The following KPRP variants were observed in gnomAD, a reference collection of about 807,000 sequenced individuals.
KPRP encodes keratinocyte proline rich protein, also known as keratinocyte proline-rich protein.
For missense variants in KPRP, 820 were observed against 746.4 expected (o/e 1.10, Z -1.15); for synonymous variants, 282 against 276.9 (o/e 1.02, Z -0.18).
exon 1 of KPRP, chr1:152,760,816 C>A: frequency 6.2e-7 from 1 of 1,614,146 alleles, no homozygotes; most frequent in Non-Finnish European, 8.5e-7. Context: ...ACGTCTGCGC[C>A]CAGAACCATG....
At chr1:152,761,914 C>T (rs2297487) in exon 1 of KPRP, 30,490 of 168,320 alleles carry the variant, frequency 0.18, 3,535 homozygotes, top group East Asian at 0.34. Context: ...ATCTCTAAAT[C>T]TCAGTGTCTA....
chr1:152,761,154 C>T (rs1651117669), exon 1 of KPRP: 1 of 1,614,178 alleles, frequency 6.2e-7, no homozygotes, highest in Admixed American at 1.7e-5. Flanking sequence ...GTCCACACCG[C>T]CTAGACACCG....
At chr1:152,761,337 T>G in exon 1 of KPRP, 1 of 1,609,302 alleles carries the variant, frequency 6.2e-7, no homozygotes, top group Non-Finnish European at 8.5e-7. Flanking sequence ...AAAGGAAAGG[T>G]GACTGAGATA....
chr1:152,759,641 T>G (rs753214324), exon 1 of KPRP: 1 of 1,614,090 alleles, frequency 6.2e-7, no homozygotes, highest in South Asian at 1.1e-5. Context: ...CAGTGCTGCG[T>G]CAAGGGTCCC....
Position 152,761,147 on chromosome 1 carries a change from CACACCGCCTAG to C in KPRP, c.1566_1576del (p.Leu523SerfsTer23), listed in dbSNP as rs1431169581. The C allele has an allele frequency of 6.2e-7, 1 of 1,614,142 alleles. No homozygotes were observed. ...GACCTAGGCTGTCATGAGTCTAGTC[CACACCGCCTAG>C]ACACCGAAGCTCCCTACTGTGGCCC... On this transcript the variant is annotated frameshift_variant, in exon 1 of 1. Transcript: ENST00000606109. LOFTEE classifies it low-confidence loss of function (END_TRUNC).
At chr1:152,760,646 G>T (rs199539090) in exon 1 of KPRP, 11 of 1,610,872 alleles carry the variant, frequency 6.8e-6, no homozygotes, top group Non-Finnish European at 7.6e-6. Context: ...ATCAGACGCC[G>T]CTCCCAGAGC....
exon 1 of KPRP, chr1:152,761,217 T>C (rs1369146168): frequency 6.2e-7 from 1 of 1,614,156 alleles, no homozygotes; most frequent in South Asian, 1.1e-5. Flanking sequence ...AGAGTGGTGC[T>C]GGCTGTGGGC....
chr1:152,760,424 C>G (rs755363727), exon 1 of KPRP: 2 of 1,613,908 alleles, frequency 1.2e-6, no homozygotes, highest in African/African-American at 1.3e-5. Context: ...GAGCCCTGCT[C>G]CAGCAGCTAC....
At chr1:152,759,255 G>C (rs1651030106), upstream of KPRP, among the ~76,000 whole-genome samples, 1 of 152,206 alleles carries the variant, frequency 6.6e-6, no homozygotes. Flanking sequence ...GGGCTGCTCA[G>C]ACCACATTGG....
exon 1 of KPRP, chr1:152,760,505 A>G (rs1651084476): frequency 6.2e-7 from 1 of 1,613,060 alleles, no homozygotes; most frequent in Non-Finnish European, 8.5e-7. Flanking sequence ...CCCATATATA[A>G]CAGTCGCTGT....
chr1:152,759,511 C>A, upstream of KPRP: 1 of 1,532,076 alleles, frequency 6.5e-7, no homozygotes, highest in African/African-American at 1.4e-5. Context: ...TAGGTCCTGG[C>A]ACCCCCTCTC....
At chr1:152,758,400 A>G (rs1204323524), upstream of KPRP, among the ~76,000 whole-genome samples, 2 of 152,200 alleles carry the variant, frequency 1.3e-5, no homozygotes, top group Non-Finnish European at 2.9e-5. Context: ...TTCCCCAGGG[A>G]AATAGATATG....
chr1:152,760,636 A>G (rs1371590238), exon 1 of KPRP: 3 of 1,610,388 alleles, frequency 1.9e-6, no homozygotes, highest in South Asian at 2.2e-5. Flanking sequence ...GATTCCTCCC[A>G]TCAGACGCCG....
chr1:152,760,849 C>T (rs1651100127), exon 1 of KPRP: 3 of 1,614,180 alleles, frequency 1.9e-6, no homozygotes, highest in East Asian at 2.2e-5. Flanking sequence ...ACCACGCCCG[C>T]GTCCTCTACC....
exon 1 of KPRP, chr1:152,761,126 T>C: frequency 1.2e-6 from 2 of 1,614,098 alleles, no homozygotes; most frequent in Non-Finnish European, 1.7e-6. Context: ...CCAGGAGACC[T>C]AGGCTGTCAT....
rs143740958 is a variant in KPRP at position 152,761,321 on chromosome 1, A to AT, written c.1738dup (p.Ter580LeufsTer5). On this transcript the variant is annotated frameshift_variant, in exon 1 of 1. Coordinates refer to ENST00000606109, the Ensembl canonical transcript of KPRP. LOFTEE classifies it high-confidence loss of function. ...GTGAAAGGGGAAGCAAAGAGTGCTTATTTTTAAAGGAAAGGTGACTGAGAT... is the reference window on the plus strand; with the variant it reads ...GTGAAAGGGGAAGCAAAGAGTGCTTATTTTTTAAAGGAAAGGTGACTGAGAT... 2,208 of 1,612,368 alleles carry AT rather than the reference A, an allele frequency of 1.4e-3. 26 individuals are homozygous for AT. In the African/African-American group the frequency reaches 0.023, roughly 17 times the overall value.
At chr1:152,759,375 A>G (rs1195521318), upstream of KPRP, among the ~76,000 whole-genome samples, 1 of 152,186 alleles carries the variant, frequency 6.6e-6, no homozygotes, top group Admixed American at 6.5e-5. Flanking sequence ...GCAACCCTGG[A>G]TGTGCCCTTT....
rs767330692 is a variant in KPRP, at chr1:152,761,065, G to A, written c.1477G>A (p.Glu493Lys). Residue 493 changes from glutamate to lysine, a missense_variant, in exon 1 of 1, where the codon GAG (glutamate) becomes AAG (lysine). Transcript: ENST00000606109. ...CTGCCCAAGCCCGGAGCCCTGCAGG[G>A]AGACTTGGCGCAGCCCCAGCCCATG... The A allele has an allele frequency of 2.5e-6, 4 of 1,613,998 alleles. No homozygotes were observed. The Admixed American group carries it at 6.7e-5, about 27-fold the overall frequency.
exon 1 of KPRP, chr1:152,760,081 T>C (rs1399011736): frequency 1.2e-6 from 2 of 1,614,040 alleles, no homozygotes; most frequent in Admixed American, 1.7e-5. Context: ...TGTCCAGATG[T>C]ATAGAGGGCG....
Sources: gnomAD v4.1 joint callset for allele counts (sites outside exome capture counted in the v4.1 genomes callset) on GRCh38, gnomAD v4.1.1 for gene constraint, MANE v1.5 for transcripts, NCBI Gene and HGNC (gene_info 2026-07-23, HGNC 2026-07-21) for gene names.